PCDHGA8: variants seen among roughly 807,000 people sequenced by gnomAD.
PCDHGA8 encodes protocadherin gamma subfamily A, 8.
In PCDHGA8, 45 loss-of-function variants were observed where a neutral mutation model predicts 59.2. That is an observed-to-expected ratio of 0.76 (90% confidence interval 0.60 to 0.98). PCDHGA8 has a LOEUF of 0.98. Ranked by LOEUF, PCDHGA8 falls within the 50% of genes least tolerant of loss-of-function variation. The pLI, the probability that PCDHGA8 is intolerant of heterozygous loss-of-function variation, is 0.00. For synonymous variants in PCDHGA8, 531 were observed against 519.0 expected (o/e 1.02, Z -0.32); for missense variants, 1,257 against 1,196.2 (o/e 1.05, Z -0.75).
intron 1 of PCDHGA8, chr5:141,423,869 T>A (rs1239422805): frequency 5.4e-6 from 7 of 1,285,484 alleles, no homozygotes; most frequent in Non-Finnish European, 6.9e-6. Flanking sequence ...TGAAAGTCAT[T>A]TTTCAATCTT....
intron 1 of PCDHGA8, chr5:141,420,202 C>T (rs2096476837): frequency 6.2e-7 from 1 of 1,613,136 alleles, no homozygotes. Flanking sequence ...AAGATAACCT[C>T]AACAAAGATA....
At chr5:141,413,858 G>A (rs751172785) in intron 1 of PCDHGA8, 28 of 1,613,140 alleles carry the variant, frequency 1.7e-5, no homozygotes, top group African/African-American at 4.0e-5. Context: ...CTCCGATCTG[G>A]CACTGTCCTT....
At chr5:141,426,665 T>A in intron 1 of PCDHGA8, 1 of 429,940 alleles carries the variant, frequency 2.3e-6, no homozygotes, top group South Asian at 1.6e-5. Context: ...ATATAAATGA[T>A]AACCCACCTC....
In PCDHGA8 at chr5:141,393,863, G is replaced by A; in HGVS notation, c.1050G>A (p.Thr350=). ...VNDNRPEVII[T]SLFSPVLENS... ...ACAATAGACCAGAAGTGATCATTAC[G>A]TCTTTGTTTAGCCCAGTGTTAGAAA... The change falls in exon 1 of 4, where the codon ACG becomes ACA. Residue 350 remains threonine, a synonymous_variant. Transcript: ENST00000398604. 1 of 1,613,968 alleles carries A rather than the reference G, an allele frequency of 6.2e-7. No homozygotes were observed. The highest frequency in any genetic ancestry group is 8.5e-7 in the Non-Finnish European group (1 of 1,179,880).
chr5:141,393,377 AGC>A lies in PCDHGA8; in HGVS notation c.565_566del (p.Ala189HisfsTer35), dbSNP rs1313389663. 6.2e-7 allele frequency: 1 copy of A among 1,613,966 alleles called. No individual in the cohort carries two copies. Among genetic ancestry groups the A allele is most frequent in the Admixed American group, 1.7e-5 (1 of 60,030 alleles). On this transcript the variant is annotated frameshift_variant, in exon 1 of 4. Transcript: ENST00000398604. LOFTEE classifies it high-confidence loss of function. The stretch of plus-strand genomic sequence containing the variant: ...TGGACGTGCAGACTGGAGACAATGG[AGC>A]CATAAACCCAGAGCTGGTGCTGGAG... ...SLDVQTGDNGAINPELVLERA... is the reference protein window; with the variant it reads ...SLDVQTGDNGXINPELVLERA...
intron 1 of PCDHGA8, chr5:141,415,006 C>A (rs1353721901): frequency 6.2e-7 from 1 of 1,613,652 alleles, no homozygotes; most frequent in Non-Finnish European, 8.5e-7. Context: ...GCTGTCCTAC[C>A]GTCTGCTCAA....
At chr5:141,403,509 A>G in intron 1 of PCDHGA8, 1 of 1,614,002 alleles carries the variant, frequency 6.2e-7, no homozygotes, top group Non-Finnish European at 8.5e-7. Context: ...CAGACTGGAG[A>G]CAATGGAGCC....
intron 1 of PCDHGA8, chr5:141,405,103 G>T (rs368202826): frequency 3.1e-6 from 5 of 1,613,804 alleles, no homozygotes; most frequent in Non-Finnish European, 4.2e-6. Flanking sequence ...TCAGGCTGAG[G>T]CACTGGCACT....
chr5:141,409,034 A>C, intron 1 of PCDHGA8: 1 of 1,613,992 alleles, frequency 6.2e-7, no homozygotes, highest in Non-Finnish European at 8.5e-7. Context: ...TGCTGAGATA[A>C]ACTACTACTT....
chr5:141,432,725 G>A lies in PCDHGA8; in HGVS notation c.2424+37488G>A, dbSNP rs755759587. The A allele has an allele frequency of 7.4e-6, 12 of 1,613,896 alleles. No individual in the cohort carries two copies. Among genetic ancestry groups the A allele is most frequent in the African/African-American group, 1.3e-5 (1 of 74,932 alleles). On this transcript the variant is annotated intron_variant, in intron 1 of 3. Transcript: ENST00000398604. This position sits in a 1 kb window ranked among gnomAD's most constrained non-coding sequence, Gnocchi z 6.0. ...GGACCACGGCCAGCCCCCTCTCTCC[G>A]CCACTGTCACGCTCACCGTGGCCGT...
chr5:141,486,901 T>A lies in PCDHGA8; in HGVS notation c.2425-7906T>A. The A allele has an allele frequency of 6.2e-7, 1 of 1,614,238 alleles. No homozygotes were observed. Among genetic ancestry groups the A allele is most frequent in the Non-Finnish European group, 8.5e-7 (1 of 1,180,042 alleles). ...CTCGGGCCCGGCCTGGTTCCTTATG[T>A]CCCCAAGCACTGCCTCCATCAGTTG... On this transcript the variant is annotated intron_variant, in intron 1 of 3. Transcript: ENST00000398604. This position sits in a 1 kb window ranked among gnomAD's most constrained non-coding sequence, Gnocchi z 5.0.
chr5:141,432,288 A>C lies in PCDHGA8; in HGVS notation c.2424+37051A>C. ...TCGTCCTACGTGTCCATCAACTCCG[A>C]CACTGGGGTACTGTATGCGCTGAGC... On this transcript the variant is annotated intron_variant, in intron 1 of 3. Coordinates refer to ENST00000398604, the MANE Select transcript of PCDHGA8 (RefSeq NM_032088.2). This position sits in a 1 kb window ranked among gnomAD's most constrained non-coding sequence, Gnocchi z 6.0. 1 of 1,614,192 alleles carries C rather than the reference A, an allele frequency of 6.2e-7. No individual in the cohort carries two copies. Among genetic ancestry groups the C allele is most frequent in the Non-Finnish European group, 8.5e-7 (1 of 1,180,018 alleles).
At chr5:141,408,851 G>C in intron 1 of PCDHGA8, 1 of 1,613,574 alleles carries the variant, frequency 6.2e-7, no homozygotes, top group Non-Finnish European at 8.5e-7. Flanking sequence ...TGCCTTGGAC[G>C]GAGGGGACCC....
In PCDHGA8 at chr5:141,485,145, A is replaced by G. The variant is rs766014792; in HGVS notation, c.2425-9662A>G. On this transcript the variant is annotated intron_variant, in intron 1 of 3. Coordinates refer to ENST00000398604, the MANE Select transcript of PCDHGA8 (RefSeq NM_032088.2). The surrounding 1 kb of genome is among the most constrained non-coding windows in gnomAD (Gnocchi z 5.7). Reference sequence around the variant, plus strand: ...GGGTCGGCTTCATCCGCGTCTCAGGAGCAAGTAGAGAATTAGCGGGCGGCA... The same window carrying G: ...GGGTCGGCTTCATCCGCGTCTCAGGGGCAAGTAGAGAATTAGCGGGCGGCA... The G allele has an allele frequency of 4.5e-6, 7 of 1,567,410 alleles. No individual in the cohort carries two copies. Among genetic ancestry groups the G allele is most frequent in the Non-Finnish European group, 6.1e-6 (7 of 1,142,014 alleles).
In PCDHGA8 at chr5:141,482,326, GAAT is replaced by G. The variant is rs1344469521; in HGVS notation, c.2425-12479_2425-12477del. Among the ~76,000 whole-genome samples, 3 of 152,072 alleles carry G rather than the reference GAAT, an allele frequency of 2.0e-5. No homozygotes were observed. The East Asian group carries it at 5.8e-4, about 29-fold the overall frequency. ...AGTTTCCTCATCTATAAAATAAAGAGAATATCTACTTTGCAAACTTGTTGTGAG... is the reference window on the plus strand; with the variant it reads ...AGTTTCCTCATCTATAAAATAAAGAGATCTACTTTGCAAACTTGTTGTGAG... On this transcript the variant is annotated intron_variant, in intron 1 of 3. Transcript: ENST00000398604.
Position 141,415,037 on chromosome 5 carries a change from T to G in PCDHGA8, c.2424+19800T>G, listed in dbSNP as rs775779136. The G allele has an allele frequency of 5.0e-6, 8 of 1,613,384 alleles. No homozygotes were observed. In the Admixed American group the frequency reaches 8.3e-5, roughly 17 times the overall value. ...CTCAAGGCCAGCGAGCCGGGACTCT[T>G]CGCGGTGGGGGAGCACACGGGCGAG... is the stretch of plus-strand genomic sequence containing the variant. On this transcript the variant is annotated intron_variant, in intron 1 of 3. Coordinates refer to ENST00000398604, the MANE Select transcript of PCDHGA8 (RefSeq NM_032088.2).
chr5:141,505,625 C>T, intron 3 of PCDHGA8, 144 bp downstream of exon 3: 1 of 1,489,114 alleles, frequency 6.7e-7, no homozygotes, highest in Non-Finnish European at 9.0e-7. Context: ...CCCACAATTC[C>T]AAACATAAAG....
intron 2 of PCDHGA8, 143 bp from the exon 3 acceptor site, chr5:141,505,250 T>C: frequency 2.8e-6 from 4 of 1,439,476 alleles, no homozygotes; most frequent in Non-Finnish European, 9.3e-7. Flanking sequence ...ATTGTAGAAG[T>C]GCCTCCTACC....
chr5:141,428,223 A>C (rs539110667), intron 1 of PCDHGA8: 30 of 1,169,680 alleles, frequency 2.6e-5, no homozygotes, highest in Admixed American at 2.5e-4. Flanking sequence ...TAGTCTTCGC[A>C]GACAGCCTGC....
Sources: allele counts gnomAD v4.1 joint callset (sites outside exome capture counted in the v4.1 genomes callset), GRCh38; gene constraint gnomAD v4.1.1; non-coding constraint Gnocchi (gnomAD v3.1); transcripts MANE v1.5; gene names NCBI Gene and HGNC (gene_info 2026-07-23, HGNC 2026-07-21).